OCM: variants seen among roughly 807,000 people sequenced by gnomAD.
OCM encodes the protein oncomodulin, also known as oncomodulin-1.
Under a neutral mutation model 14.1 loss-of-function variants are expected in OCM, and 18 were observed. The observed-to-expected ratio is 1.28, with a 90% confidence interval of 0.88 to 1.89. The LOEUF is 1.89. OCM is among the 40% of genes most tolerant of loss of function. The probability of loss-of-function intolerance (pLI) is 0.00; values close to 1 mark genes in which losing one functional copy is unlikely to be tolerated. For synonymous variants in OCM, 48 were observed against 51.0 expected, an observed-to-expected ratio of 0.94 and a Z score of 0.25; for missense variants, 140 against 137.6, an observed-to-expected ratio of 1.02 and a Z score of -0.09.
the OCM span, among the ~76,000 whole-genome samples, chr7:5,860,190 GTCT>G: frequency 6.6e-6 from 1 of 151,838 alleles, no homozygotes. Flanking sequence ...ACTCACTTAA[GTCT>G]TCATTAAATG....
At chr7:5,862,628 G>C in the OCM span, among the ~76,000 whole-genome samples, 8 of 152,288 alleles carry the variant, frequency 5.3e-5, 1 homozygote, top group South Asian at 2.1e-4. Flanking sequence ...GTAAAATGCA[G>C]ATTTACTGAG....
chr7:5,860,473 ACG>A, the OCM span, among the ~76,000 whole-genome samples: 2 of 36,956 alleles, frequency 5.4e-5, no homozygotes, highest in African/African-American at 3.7e-4. Flanking sequence ...ACGTATATAT[ACG>A]TGTATATATA....
At chr7:5,869,088 A>C in the OCM span, among the ~76,000 whole-genome samples, 1 of 152,038 alleles carries the variant, frequency 6.6e-6, no homozygotes, top group African/African-American at 2.4e-5. Flanking sequence ...AAAACAAAAC[A>C]AAAAGGACTG....
intron 3 of OCM, among the ~76,000 whole-genome samples, chr7:5,884,385 C>T (rs1781290760): frequency 6.6e-6 from 1 of 152,190 alleles, no homozygotes; most frequent in Admixed American, 6.5e-5. Flanking sequence ...GATTTACATC[C>T]TCAGACCAGG....
At chr7:5,875,059 T>TA (rs1491100872), upstream of OCM, among the ~76,000 whole-genome samples, 2 of 17,308 alleles carry the variant, frequency 1.2e-4, no homozygotes, top group African/African-American at 1.1e-3. Context: ...TATATATGTA[T>TA]TTTTTTTTTT....
chr7:5,861,625 G>T, the OCM span, among the ~76,000 whole-genome samples: 2 of 152,252 alleles, frequency 1.3e-5, no homozygotes, highest in African/African-American at 4.8e-5. Flanking sequence ...GTTTAGCAGG[G>T]AAGGAGGGTT....
the OCM span, among the ~76,000 whole-genome samples, chr7:5,874,376 A>G: frequency 6.6e-6 from 1 of 152,100 alleles, no homozygotes; most frequent in East Asian, 1.9e-4. Context: ...CATGATATAC[A>G]TATACATTAC....
At chr7:5,882,116 A>G (rs10236968) in intron 1 of OCM, among the ~76,000 whole-genome samples, 54,236 of 100,794 alleles carry the variant, frequency 0.54, 16,957 homozygotes, top group Middle Eastern at 0.67. Flanking sequence ...AAAAAAAAAA[A>G]AAAGCGCCAA....
At chr7:5,863,597 A>T in the OCM span, among the ~76,000 whole-genome samples, 1 of 148,504 alleles carries the variant, frequency 6.7e-6, no homozygotes, top group Non-Finnish European at 1.5e-5. Flanking sequence ...CAATGACATG[A>T]TCTCAGCTCA....
At chr7:5,862,735 ACT>A in the OCM span, among the ~76,000 whole-genome samples, 7 of 151,702 alleles carry the variant, frequency 4.6e-5, no homozygotes, top group East Asian at 1.9e-4. Flanking sequence ...TGCATCACAG[ACT>A]CTACTCCTTT....
upstream of OCM, among the ~76,000 whole-genome samples, chr7:5,880,585 C>G (rs985686306): frequency 2.6e-5 from 4 of 151,992 alleles, no homozygotes; most frequent in Non-Finnish European, 5.9e-5. Flanking sequence ...ATGGCAAAAC[C>G]CCGTCTCTAC....
At chr7:5,876,150 C>T (rs1781090624), upstream of OCM, among the ~76,000 whole-genome samples, 1 of 152,122 alleles carries the variant, frequency 6.6e-6, no homozygotes, top group South Asian at 2.1e-4. Context: ...GGATTACAGG[C>T]ATGCACCACC....
the OCM span, among the ~76,000 whole-genome samples, chr7:5,862,681 C>T: frequency 3.5e-3 from 531 of 149,802 alleles, 3 homozygotes; most frequent in South Asian, 9.4e-3. Context: ...CCTCTTTTCA[C>T]GTTTATCTTA....
the OCM span, among the ~76,000 whole-genome samples, chr7:5,868,772 C>T: frequency 6.6e-6 from 1 of 152,072 alleles, no homozygotes; most frequent in Non-Finnish European, 1.5e-5. Context: ...ACTCATGCTA[C>T]TGAGTCCAGG....
chr7:5,877,819 C>CAAAAAAAAA (rs535302724), upstream of OCM, among the ~76,000 whole-genome samples: 2 of 55,304 alleles, frequency 3.6e-5, no homozygotes, highest in Non-Finnish European at 6.4e-5. Context: ...GACTCCATCT[C>CAAAAAAAAA]AAAAAAAAAA....
intron 3 of OCM, among the ~76,000 whole-genome samples, chr7:5,884,347 G>A (rs1781290097): frequency 6.6e-6 from 1 of 152,144 alleles, no homozygotes; most frequent in Admixed American, 6.6e-5. Context: ...TCTACCAGTG[G>A]GGTTTGAACC....
upstream of OCM, chr7:5,880,687 A>T (rs1305833286): frequency 7.9e-6 from 4 of 504,356 alleles, no homozygotes; most frequent in Non-Finnish European, 1.4e-5. Flanking sequence ...TGAGCCCAGG[A>T]GGCGGAGGTT....
chr7:5,872,003 C>T, the OCM span: 5 of 152,432 alleles, frequency 3.3e-5, no homozygotes, highest in African/African-American at 7.2e-5. Context: ...CCTCCTGCCT[C>T]GGCCTCCCGA....
chr7:5,884,136 A>G, intron 3 of OCM, 137 bp downstream of exon 3: 1 of 1,129,302 alleles, frequency 8.9e-7, no homozygotes, highest in Admixed American at 2.8e-5. Context: ...TCTCATCTGT[A>G]AAATGGGACT....
Sources: allele counts gnomAD v4.1 joint callset (sites outside exome capture counted in the v4.1 genomes callset), GRCh38; gene constraint gnomAD v4.1.1; transcripts MANE v1.5; gene names NCBI Gene and HGNC (gene_info 2026-07-23, HGNC 2026-07-21).